The following TBATA variants were observed in gnomAD, a reference collection of about 807,000 sequenced individuals.
TBATA encodes the protein thymus, brain and testes associated, also known as protein TBATA.
Under a neutral mutation model 38.7 loss-of-function variants are expected in TBATA, and 47 were observed. That is an observed-to-expected ratio of 1.21 (90% CI 0.96 to 1.55). TBATA has a LOEUF of 1.55. Among genes scored for constraint, TBATA ranks in the 40% most tolerant of loss-of-function variants. The pLI is 0.00. For missense variants in TBATA, 436 were observed against 435.6 expected, an observed-to-expected ratio of 1.00 and a Z score of -0.01; for synonymous variants, 183 against 170.5, an observed-to-expected ratio of 1.07 and a Z score of -0.57.
chr10:70,780,648 G>A (rs1278399128), intron 4 of TBATA, among the ~76,000 whole-genome samples: 2 of 152,076 alleles, frequency 1.3e-5, no homozygotes, highest in African/African-American at 4.8e-5. Context: ...TCCACCTGGA[G>A]GTCTAGAAAG....
At chr10:70,781,153 G>A (rs1844163460) in intron 4 of TBATA, among the ~76,000 whole-genome samples, 1 of 152,204 alleles carries the variant, frequency 6.6e-6, no homozygotes, top group Admixed American at 6.5e-5. Flanking sequence ...CAGAGTGGGA[G>A]CGCTCTTGCC....
At chr10:70,779,779 G>A (rs770828230) in intron 4 of TBATA, 37 bp from the exon 5 acceptor site, 3 of 1,511,688 alleles carry the variant, frequency 2.0e-6, no homozygotes, top group African/African-American at 1.5e-5. Flanking sequence ...GGGAGGCTTA[G>A]GTGGACCTTA....
At chr10:70,781,703 C>T in intron 4 of TBATA, 98 bp downstream of exon 4, 2 of 1,210,650 alleles carry the variant, frequency 1.7e-6, no homozygotes, top group Admixed American at 4.0e-5. Flanking sequence ...TCTCTGGGCC[C>T]CAGCCTGGAA....
Position 70,781,881 on chromosome 10 carries a change from G to C in TBATA, c.197C>G (p.Thr66Ser). Residue 66 changes from threonine (T) to serine (S), a missense_variant, in exon 4 of 11, where the codon ACC becomes AGC. Physicochemically the swap from Thr to Ser is moderately conservative, Grantham distance 58. Coordinates refer to ENST00000456372, the MANE Select transcript of TBATA (RefSeq NM_001318241.2). ...GTGACTGAGGCGTCCAAAGCAGTAG[G>C]TGCCAGGGGTTTGGGGCTTTGGGGT... is the stretch of plus-strand genomic sequence containing the variant. ...LRTPKPQTPGTYCFGRLSHHS... is the reference protein window; with the variant it reads ...LRTPKPQTPGSYCFGRLSHHS... The C allele has an allele frequency of 6.2e-7, 1 of 1,614,212 alleles. No homozygotes were observed. The highest frequency in any genetic ancestry group is 8.5e-7 in the Non-Finnish European group (1 of 1,180,014).
intron 4 of TBATA, 166 bp from the exon 5 acceptor site, chr10:70,779,908 G>C: frequency 5.8e-6 from 4 of 686,220 alleles, no homozygotes; most frequent in Non-Finnish European, 8.9e-6. Flanking sequence ...ACCTAGACCA[G>C]CGACCGCCTC....
intron 9 of TBATA, among the ~76,000 whole-genome samples, chr10:70,772,951 G>A (rs1263010459): frequency 1.3e-5 from 2 of 152,148 alleles, no homozygotes; most frequent in Non-Finnish European, 1.5e-5. Context: ...AGAACCCTGC[G>A]TCTTGAATGA....
At chr10:70,779,887 G>A in intron 4 of TBATA, 145 bp from the exon 5 acceptor site, 1 of 865,270 alleles carries the variant, frequency 1.2e-6, no homozygotes. Context: ...AGCTGGGAGG[G>A]CATTGTAACC....
intron 9 of TBATA, among the ~76,000 whole-genome samples, chr10:70,773,471 C>CT (rs1554826534): frequency 2.0e-5 from 3 of 151,394 alleles, no homozygotes; most frequent in Admixed American, 6.6e-5. Flanking sequence ...ACAGGCCCCC[C>CT]CGGCTTCACC....
chr10:70,777,275 T>A lies in TBATA; in HGVS notation c.571A>T (p.Arg191Trp). The A allele has an allele frequency of 6.2e-7, 1 of 1,613,738 alleles. No individual in the cohort carries two copies. Among genetic ancestry groups the A allele is most frequent in the Non-Finnish European group, 8.5e-7 (1 of 1,179,932 alleles). Residue 191 changes from arginine (R) to tryptophan (W), a missense_variant, in exon 7 of 11, where the codon AGG (arginine) becomes TGG (tryptophan). Transcript: ENST00000456372. ...QGAKYSAETG[R>W]LIPASTRAVG... ...GCCCGGGTGGAAGCGGGGATGAGCC[T>A]CCCAGTCTCTGCTGAGTACTTTGCC...
intron 3 of TBATA, 87 bp downstream of exon 3, chr10:70,783,252 T>C: frequency 6.7e-7 from 1 of 1,486,544 alleles, no homozygotes. Flanking sequence ...TCCTAATCTG[T>C]TGAGATCCCC....
rs1006252876 is a variant in TBATA at position 70,782,120 on chromosome 10, A to C, written c.42-84T>G. 3.5e-6 allele frequency: 5 copies of C among 1,433,010 alleles called. No individual in the cohort carries two copies. In the African/African-American group the frequency reaches 7.1e-5, roughly 20 times the overall value. The allele number at this position is 1,433,010 out of a possible 1,614,324, so 88.8% of individuals were successfully genotyped here. ...GGGCTCAGAGCTCAGTGCTTGTTAC[A>C]GAACCCCTTCCTGAGGAGCTCTGAA... On this transcript the variant is annotated intron_variant, in intron 3 of 10. Transcript: ENST00000456372.
At chr10:70,779,234 T>C (rs1843823970) in intron 5 of TBATA, among the ~76,000 whole-genome samples, 1 of 152,224 alleles carries the variant, frequency 6.6e-6, no homozygotes, top group Admixed American at 6.5e-5. Flanking sequence ...TGTGGCTGAT[T>C]GTTCTGGTTG....
chr10:70,771,504 T>C (rs1564570577), intron 10 of TBATA, 43 bp from the exon 11 acceptor site: 4 of 1,597,098 alleles, frequency 2.5e-6, no homozygotes, highest in Non-Finnish European at 3.4e-6. Context: ...ACCGGGAAGG[T>C]GGGGCCCCCA....
intron 4 of TBATA, 101 bp downstream of exon 4, chr10:70,781,684 ACCCCATCCTCTCTGGG>A (rs1417229618): frequency 1.2e-5 from 12 of 1,003,320 alleles, no homozygotes; most frequent in Non-Finnish European, 1.8e-5. Context: ...GGGATCCTGG[ACCCCATCCTCTCTGGG>A]CCCCAGCCTG....
rs1315201596 is a variant in TBATA at position 70,777,202 on chromosome 10, C to T, written c.644G>A (p.Ser215Asn). The T allele has an allele frequency of 6.2e-7, 1 of 1,613,494 alleles. No individual in the cohort carries two copies. Among genetic ancestry groups the T allele is most frequent in the South Asian group, 1.1e-5 (1 of 91,086 alleles). ...GAAAGCCTGGACTCCTTCATGTCTGCTGGAAGACTGACTCTGCTGGCCCTG... is the reference window on the plus strand; with the variant it reads ...GAAAGCCTGGACTCCTTCATGTCTGTTGGAAGACTGACTCTGCTGGCCCTG... ...SHQGQQSQSS[S>N]RHEGVQAFLL... Residue 215 changes from serine (S) to asparagine (N), a missense_variant, in exon 7 of 11, where the codon AGC (serine) becomes AAC (asparagine). By Grantham distance (46) the Ser-to-Asn change is conservative. Coordinates refer to ENST00000456372, the MANE Select transcript of TBATA (RefSeq NM_001318241.2).
At chr10:70,775,687 ACCAAATCCCACATGC>A (rs1843306317) in intron 7 of TBATA, among the ~76,000 whole-genome samples, 2 of 152,094 alleles carry the variant, frequency 1.3e-5, no homozygotes, top group Non-Finnish European at 2.9e-5. Context: ...TCAGAGACAC[ACCAAATCCCACATGC>A]CCAGGGCCTT....
chr10:70,775,567 G>A (rs910554143), intron 7 of TBATA, among the ~76,000 whole-genome samples: 3 of 152,106 alleles, frequency 2.0e-5, no homozygotes, highest in African/African-American at 4.8e-5. Flanking sequence ...GGCAGGACAC[G>A]ACCTCAGCGA....
In TBATA at chr10:70,779,680, C is replaced by G. The variant is rs995032250; in HGVS notation, c.340G>C (p.Val114Leu). The G allele has an allele frequency of 6.5e-7, 1 of 1,535,820 alleles. No homozygotes were observed. Among genetic ancestry groups the G allele is most frequent in the Non-Finnish European group, 8.7e-7 (1 of 1,151,456 alleles). Residue 114 changes from valine to leucine, a missense_variant, in exon 5 of 11, where the codon GTC becomes CTC. By Grantham distance (32) the Val-to-Leu change is conservative. Transcript: ENST00000456372. Reference protein sequence around the residue: ...DFPAPLPESTVFSGCQMGIPT... With the variant: ...DFPAPLPESTLFSGCQMGIPT... The stretch of plus-strand genomic sequence containing the variant: ...ATCCCCATTTGACAGCCGGAAAAGA[C>G]AGTTGACTCAGGCAAGGGGGCTGGA...
At chr10:70,778,772 G>T (rs190721836) in intron 5 of TBATA, 136 bp from the exon 6 acceptor site, 3 of 806,858 alleles carry the variant, frequency 3.7e-6, no homozygotes, top group Non-Finnish European at 6.4e-6. Flanking sequence ...AGGGGGAGGC[G>T]GTGCCCTGGA....
Sources: gnomAD v4.1 joint callset for allele counts (sites outside exome capture counted in the v4.1 genomes callset) on GRCh38, gnomAD v4.1.1 for gene constraint, MANE v1.5 for transcripts, NCBI Gene and HGNC (gene_info 2026-07-23, HGNC 2026-07-21) for gene names.